STK3: variants seen among roughly 807,000 people sequenced by gnomAD.
STK3 encodes the protein serine/threonine-protein kinase 3.
In STK3, 41 loss-of-function variants were observed where a neutral mutation model predicts 58.0. The ratio of observed to expected loss-of-function variants is 0.71; its 90% confidence interval spans 0.55 to 0.92. The LOEUF (loss-of-function observed/expected upper bound fraction) is 0.92, where lower values mean the gene tolerates loss of function less well. STK3 is among the 40% of genes least tolerant of loss of function. The pLI is 0.00. For synonymous variants in STK3, 170 were observed against 191.0 expected, an observed-to-expected ratio of 0.89 and a Z score of 0.91; for missense variants, 479 against 602.7, an observed-to-expected ratio of 0.79 and a Z score of 2.15.
the STK3 span, among the ~76,000 whole-genome samples, chr8:98,345,449 G>C: frequency 6.6e-6 from 1 of 152,048 alleles, no homozygotes; most frequent in East Asian, 1.9e-4. Flanking sequence ...CTCAGGCTTT[G>C]CCAGTGAGGA....
Position 98,923,863 on chromosome 8 carries a change from G to A in STK3, c.-79+18515C>T, listed in dbSNP as rs574118546. Among the ~76,000 whole-genome samples the A allele has an allele frequency of 5.3e-3, 497 of 93,868 alleles. 3 individuals are homozygous for A. The highest frequency in any genetic ancestry group is 8.2e-3 in the Non-Finnish European group (361 of 44,016). 61.6% of individuals were successfully genotyped at this position (93,868 alleles called of 152,430 possible). A position where few individuals can be genotyped will look rare whatever the true frequency, so the allele number is the denominator to read the frequency against. ...TGTGTGTGTGTGTGTGTGCGCGCGC[G>A]CGCGCGCGCGCGCGTTGACAATGAT... On this transcript the variant is annotated intron_variant, in intron 1 of 1. Coordinates refer to the STK3 transcript ENST00000519420.
intron 10 of STK3, among the ~76,000 whole-genome samples, chr8:98,525,209 G>A (rs1825657617): frequency 6.6e-6 from 1 of 152,134 alleles, no homozygotes; most frequent in African/African-American, 2.4e-5. Flanking sequence ...GTATAAGTAG[G>A]AGCTAAACAA....
chr8:98,394,632 C>A (rs981050016), intron 3 of STK3, among the ~76,000 whole-genome samples: 1 of 152,198 alleles, frequency 6.6e-6, no homozygotes, highest in African/African-American at 2.4e-5. Context: ...TATTCATCCT[C>A]AAAGGATTCT....
intron 3 of STK3, among the ~76,000 whole-genome samples, chr8:98,402,916 G>A (rs1305402440): frequency 1.3e-5 from 2 of 152,200 alleles, no homozygotes; most frequent in African/African-American, 4.8e-5. Context: ...GCTGAGAGAG[G>A]AGACCCCACA....
rs909593332 is a variant in STK3 at position 98,868,062 on chromosome 8, T to A, written c.110+15585A>T. Among the ~76,000 whole-genome samples the A allele has an allele frequency of 2.6e-5, 4 of 152,318 alleles. No individual in the cohort carries two copies. The East Asian group carries it at 7.7e-4, about 29-fold the overall frequency. ...GATGTTCCATGGATCTGAATAATTT[T>A]AAAAACCCAGCTTTTAGGTGGTCAG... On this transcript the variant is annotated intron_variant, in intron 3 of 12. Coordinates refer to the STK3 transcript ENST00000523601.
At chr8:98,702,872 T>C (rs1329861544) in intron 6 of STK3, among the ~76,000 whole-genome samples, 1 of 152,226 alleles carries the variant, frequency 6.6e-6, no homozygotes, top group Non-Finnish European at 1.5e-5. Context: ...TGTCTCTAAC[T>C]TTGTTCTAGA....
At chr8:98,698,476 T>C (rs1422019686) in intron 6 of STK3, among the ~76,000 whole-genome samples, 2 of 152,228 alleles carry the variant, frequency 1.3e-5, no homozygotes, top group South Asian at 2.1e-4. Context: ...CTTTACAATT[T>C]GGCATGATTT....
intron 8 of STK3, among the ~76,000 whole-genome samples, chr8:98,551,463 C>A (rs1811163227): frequency 6.6e-6 from 1 of 151,900 alleles, no homozygotes; most frequent in Admixed American, 6.6e-5. Flanking sequence ...TTTAAAACAA[C>A]AAAAAAACAA....
rs778049177 is a variant in STK3, at chr8:98,562,737, G to GAAAAA, written c.949-14581_949-14577dup. On this transcript the variant is annotated intron_variant, in intron 8 of 10. Transcript: ENST00000419617. ...TAAGACTCCCATCTCCACAAAAAAT[G>GAAAAA]AAAAAAAAAAAAAAAAAAAAAAAAA... Among the ~76,000 whole-genome samples, 27 of 17,386 alleles carry GAAAAA rather than the reference G, an allele frequency of 1.6e-3. 2 individuals carry two copies. The highest frequency in any genetic ancestry group is 4.3e-3 in the East Asian group (2 of 464). 11.4% of individuals were successfully genotyped at this position (17,386 alleles called of 152,430 possible).
At chr8:98,933,544 A>C (rs1380826863) in intron 1 of STK3, among the ~76,000 whole-genome samples, 3 of 152,200 alleles carry the variant, frequency 2.0e-5, no homozygotes, top group African/African-American at 7.2e-5. Flanking sequence ...ATCTCCTTTA[A>C]GGAAATAAAT....
intron 3 of STK3, chr8:98,413,900 G>A (rs1442297727): frequency 4.4e-6 from 2 of 452,762 alleles, no homozygotes; most frequent in Non-Finnish European, 8.2e-6. Context: ...CATTTAACTG[G>A]TTCACAGGGC....
At chr8:98,730,206 T>C (rs1194489257) in intron 4 of STK3, among the ~76,000 whole-genome samples, 3 of 152,190 alleles carry the variant, frequency 2.0e-5, no homozygotes, top group Non-Finnish European at 4.4e-5. Flanking sequence ...TAAAGAAAAC[T>C]GGACTTTCTC....
intron 9 of STK3, among the ~76,000 whole-genome samples, chr8:98,527,464 C>CA (rs1390901228): frequency 6.6e-6 from 1 of 151,714 alleles, no homozygotes; most frequent in Non-Finnish European, 1.5e-5. Flanking sequence ...ATAAAAAATA[C>CA]AAAAAATTAG....
intron 7 of STK3, among the ~76,000 whole-genome samples, chr8:98,589,893 A>T (rs910226587): frequency 6.6e-6 from 1 of 152,150 alleles, no homozygotes; most frequent in East Asian, 1.9e-4. Flanking sequence ...TTCTTTGACT[A>T]GGAAAGGGAA....
At chr8:98,884,945 G>A (rs954021352) in intron 1 of STK3, among the ~76,000 whole-genome samples, 7 of 152,112 alleles carry the variant, frequency 4.6e-5, no homozygotes, top group Non-Finnish European at 1.0e-4. Context: ...AATTGTTTTT[G>A]CCTAAAAACT....
chr8:98,350,076 G>A, the STK3 span, among the ~76,000 whole-genome samples: 10 of 151,934 alleles, frequency 6.6e-5, no homozygotes, highest in South Asian at 2.1e-4. Flanking sequence ...CAATTTTTCC[G>A]AACTTTTATG....
chr8:98,729,154 A>C (rs1827998287), intron 4 of STK3, among the ~76,000 whole-genome samples: 1 of 152,190 alleles, frequency 6.6e-6, no homozygotes. Context: ...TCTGTCACCC[A>C]TGCTGGAGTG....
intron 8 of STK3, among the ~76,000 whole-genome samples, chr8:98,570,025 TTACATATTAATAAAAATAAAAATATTAA>T (rs1812835988): frequency 6.8e-6 from 1 of 147,576 alleles, no homozygotes; most frequent in Admixed American, 6.8e-5. Context: ...CAAATACATA[TTACATATTAATAAAAATAAAAATATTAA>T]AGAATATAAA....
intron 4 of STK3, among the ~76,000 whole-genome samples, chr8:98,740,571 C>A (rs763219753): frequency 1.3e-5 from 2 of 152,134 alleles, no homozygotes; most frequent in East Asian, 1.9e-4. Flanking sequence ...ACCAGGCGTG[C>A]CCTAAAAGAG....
Sources: gnomAD v4.1 joint callset for allele counts (sites outside exome capture counted in the v4.1 genomes callset) on GRCh38, gnomAD v4.1.1 for gene constraint, MANE v1.5 for transcripts, NCBI Gene and HGNC (gene_info 2026-07-23, HGNC 2026-07-21) for gene names.